Variants in ADGRF5 observed in about 807,000 individuals in gnomAD.
ADGRF5 encodes the protein G-protein coupled receptor 116.
ADGRF5 carries 75 observed loss-of-function variants against 132.3 expected under a neutral mutation model. That is an observed-to-expected ratio of 0.57 (90% CI 0.47 to 0.69). The LOEUF is 0.69. ADGRF5 is among the 30% of genes least tolerant of loss of function. The probability of loss-of-function intolerance (pLI) is 0.00; values close to 1 mark genes in which losing one functional copy is unlikely to be tolerated. For missense variants in ADGRF5, 1,516 were observed against 1,630.6 expected (o/e 0.93, Z 1.21); for synonymous variants, 629 against 597.6 (o/e 1.05, Z -0.77).
rs1771106147 is a variant in ADGRF5 at position 46,871,929 on chromosome 6, C to T, written c.1325G>A (p.Gly442Glu). The T allele has an allele frequency of 1.2e-6, 2 of 1,612,418 alleles. No individual in the cohort carries two copies. Among genetic ancestry groups the T allele is most frequent in the Non-Finnish European group, 1.7e-6 (2 of 1,178,972 alleles). ...DGTQCPSGSS[G>E]TTVIYTCEFI... The stretch of plus-strand genomic sequence containing the variant: ...CTCACAAGTGTAGATGACTGTTGTT[C>T]CAGACGACCCGCTTGGGCACTGGGT... Residue 442 changes from glycine (G) to glutamate (E), a missense_variant, in exon 11 of 21, where the codon GGA becomes GAA. By Grantham distance (98) the Gly-to-Glu change is moderately conservative. Coordinates refer to ENST00000283296, the MANE Select transcript of ADGRF5 (RefSeq NM_001098518.2).
Position 46,853,910 on chromosome 6 carries a change from T to C in ADGRF5, c.*82A>G. 1.1e-6 allele frequency: 1 copy of C among 933,438 alleles called. No individual in the cohort carries two copies. Among genetic ancestry groups the C allele is most frequent in the Non-Finnish European group, 1.7e-6 (1 of 604,932 alleles). The allele number at this position is 933,438 out of a possible 1,614,324, so 57.8% of individuals were successfully genotyped here. A position where few individuals can be genotyped will look rare whatever the true frequency, so the allele number is the denominator to read the frequency against. On this transcript the variant is annotated 3_prime_UTR_variant, in exon 21 of 21. Transcript: ENST00000283296. ...CCCGGAAACCTGCCCCGAGAACACG[T>C]TCCCCATTGCTTTGCAAGCATCTCT...
intron 10 of ADGRF5, among the ~76,000 whole-genome samples, chr6:46,877,349 CTTTCTTTCTTTCT>C (rs1771910655): frequency 6.3e-5 from 2 of 31,666 alleles, no homozygotes; most frequent in South Asian, 1.7e-3. Flanking sequence ...TTCTTTCTTT[CTTTCTTTCTTTCT>C]TTCTTTCTTT....
chr6:46,918,541 A>G (rs1355801221), intron 1 of ADGRF5, among the ~76,000 whole-genome samples: 6 of 152,198 alleles, frequency 3.9e-5, no homozygotes, highest in Non-Finnish European at 8.8e-5. Context: ...TGGCAAAGTG[A>G]CCTTGAATAA....
At chr6:46,905,482 T>C (rs1237937715) in intron 2 of ADGRF5, 1 of 151,742 alleles carries the variant, frequency 6.6e-6, no homozygotes, top group South Asian at 2.1e-4. Context: ...TGATATCAAA[T>C]GGGAATAAAT....
chr6:46,945,897 C>T (rs1456650003), intron 1 of ADGRF5, among the ~76,000 whole-genome samples: 1 of 152,162 alleles, frequency 6.6e-6, no homozygotes, highest in Non-Finnish European at 1.5e-5. Context: ...TTCAGGGGAA[C>T]TCCCATTTAT....
At chr6:46,939,300 T>C (rs1777968097) in intron 1 of ADGRF5, among the ~76,000 whole-genome samples, 1 of 152,138 alleles carries the variant, frequency 6.6e-6, no homozygotes, top group Non-Finnish European at 1.5e-5. Flanking sequence ...TCAGGGTATC[T>C]GGATTGGGGA....
At chr6:46,899,658 T>G (rs1774535901) in intron 3 of ADGRF5, among the ~76,000 whole-genome samples, 2 of 121,566 alleles carry the variant, frequency 1.6e-5, no homozygotes, top group African/African-American at 2.7e-5. Flanking sequence ...TAAAAGAAGT[T>G]TTTTTTTTTG....
chr6:46,864,551 G>A (rs1255827736), intron 14 of ADGRF5, among the ~76,000 whole-genome samples: 4 of 147,406 alleles, frequency 2.7e-5, no homozygotes, highest in Non-Finnish European at 4.4e-5. Context: ...TTTTGAGACG[G>A]AATCTCTCTG....
chr6:46,944,054 C>T lies in ADGRF5; in HGVS notation c.-25+10680G>A, dbSNP rs1021123185. Reference sequence around the variant, plus strand: ...TCTAAACATTGTTTTTTATGCCTAACTAAATGTGCATCATACTTTGGAAGT... The same window carrying T: ...TCTAAACATTGTTTTTTATGCCTAATTAAATGTGCATCATACTTTGGAAGT... On this transcript the variant is annotated intron_variant, in intron 1 of 20. Coordinates refer to the ADGRF5 transcript ENST00000265417. Among the ~76,000 whole-genome samples the T allele has an allele frequency of 3.3e-5, 5 of 152,184 alleles. No homozygotes were observed. In the South Asian group the frequency reaches 6.2e-4, roughly 19 times the overall value.
Position 46,858,141 on chromosome 6 carries a change from G to A in ADGRF5, c.3762C>T (p.Leu1254=), listed in dbSNP as rs764072978. The A allele has an allele frequency of 3.1e-6, 5 of 1,610,674 alleles. No individual in the cohort carries two copies. In the Admixed American group the frequency reaches 8.3e-5, roughly 27 times the overall value. The change falls in exon 17 of 21, where the codon CTC becomes CTT. Residue 1254 remains leucine (L), a synonymous_variant. Transcript: ENST00000283296. ...CTGTAAAACTCACCTGGAAGACATTGAGGATGGCAAATATGATATGGAACA... is the reference window on the plus strand; with the variant it reads ...CTGTAAAACTCACCTGGAAGACATTAAGGATGGCAAATATGATATGGAACA... The part of the protein sequence containing the change: ...NLVFHIIFAI[L]NVFQGLFILL...
chr6:46,947,489 T>C (rs1364006122), intron 1 of ADGRF5, among the ~76,000 whole-genome samples: 3 of 152,232 alleles, frequency 2.0e-5, no homozygotes, highest in Non-Finnish European at 4.4e-5. Context: ...TGCACACCAC[T>C]ACCAAAACCC....
intron 1 of ADGRF5, among the ~76,000 whole-genome samples, chr6:46,928,484 T>A (rs1203118985): frequency 1.3e-5 from 2 of 152,132 alleles, no homozygotes; most frequent in Non-Finnish European, 2.9e-5. Flanking sequence ...TCTGACCACC[T>A]CTTCACTGAG....
intron 8 of ADGRF5, among the ~76,000 whole-genome samples, chr6:46,880,385 G>C (rs1425552103): frequency 6.6e-6 from 1 of 151,422 alleles, no homozygotes; most frequent in Non-Finnish European, 1.5e-5. Flanking sequence ...TAAATACCAA[G>C]TTTCTGTGCT....
At chr6:46,925,577 G>A (rs1443532180), upstream of ADGRF5, among the ~76,000 whole-genome samples, 1 of 152,094 alleles carries the variant, frequency 6.6e-6, no homozygotes, top group African/African-American at 2.4e-5. Context: ...CCAACATGGC[G>A]AAACCCTGTC....
rs755583854 is a variant in ADGRF5, at chr6:46,859,367, A to G, written c.2536T>C (p.Phe846Leu). Residue 846 changes from phenylalanine (F) to leucine (L), a missense_variant, in exon 17 of 21, where the codon TTC becomes CTC. Physicochemically the swap from Phe to Leu is conservative, Grantham distance 22. This residue lies in a region of ADGRF5 where 571 missense variants were observed against 701.2 expected (regional missense o/e 0.81). Coordinates refer to ENST00000283296, the MANE Select transcript of ADGRF5 (RefSeq NM_001098518.2). ...LQSGDSPPLS[F>L]SQTNVQMSSM... ...CTCATCTGCACATTAGTTTGGGAGA[A>G]GGACAAAGGAGGGCTATCTCCCGAC... The G allele has an allele frequency of 8.7e-6, 14 of 1,613,878 alleles. No individual in the cohort carries two copies. The highest frequency in any genetic ancestry group is 1.2e-5 in the Non-Finnish European group (14 of 1,179,792).
At chr6:46,878,943 C>T (rs1012786867) in intron 9 of ADGRF5, among the ~76,000 whole-genome samples, 2 of 152,072 alleles carry the variant, frequency 1.3e-5, no homozygotes, top group Non-Finnish European at 2.9e-5. Context: ...TTGCTTGGAG[C>T]GGGCAAGAGG....
At chr6:46,900,148 G>T (rs373007982) in intron 2 of ADGRF5, 65 bp from the exon 3 acceptor site, 12 of 1,150,858 alleles carry the variant, frequency 1.0e-5, no homozygotes, top group Non-Finnish European at 1.4e-5. Flanking sequence ...GTGGCTCCCC[G>T]CTTAGATACC....
intron 1 of ADGRF5, among the ~76,000 whole-genome samples, chr6:46,950,940 A>T (rs1224386069): frequency 6.6e-6 from 1 of 152,242 alleles, no homozygotes; most frequent in Non-Finnish European, 1.5e-5. Context: ...CACTTGTTCA[A>T]GACAGGAGAT....
chr6:46,934,269 T>C (rs1212337835), intron 1 of ADGRF5, among the ~76,000 whole-genome samples: 1 of 152,070 alleles, frequency 6.6e-6, no homozygotes, highest in African/African-American at 2.4e-5. Flanking sequence ...ATACATAAAA[T>C]TAGAGAGCAG....
Sources: gnomAD v4.1 joint callset for allele counts (sites outside exome capture counted in the v4.1 genomes callset) on GRCh38, gnomAD v4.1.1 for gene constraint, gnomAD v4.1.1 regional missense constraint, MANE v1.5 for transcripts, NCBI Gene and HGNC (gene_info 2026-07-23, HGNC 2026-07-21) for gene names.